MRPL4: variants seen among roughly 807,000 people sequenced by gnomAD.
The protein encoded by MRPL4 is large ribosomal subunit protein uL4m.
MRPL4 carries 34 observed loss-of-function variants against 34.1 expected under a neutral mutation model. That is an observed-to-expected ratio of 1.00 (90% CI 0.76 to 1.33). The LOEUF (loss-of-function observed/expected upper bound fraction) is 1.33, where lower values mean the gene tolerates loss of function less well. Among genes scored for constraint, MRPL4 ranks in the 40% most tolerant of loss-of-function variants. MRPL4 has a pLI of 0.00. For synonymous variants in MRPL4, 196 were observed against 188.3 expected (o/e 1.04, Z -0.33); for missense variants, 402 against 434.6 (o/e 0.92, Z 0.67).
At position 10,259,902 on chromosome 19, in the gene MRPL4, G is replaced by C; in HGVS notation, c.*89G>C. On this transcript the variant is annotated 3_prime_UTR_variant, in exon 9 of 9. Transcript: ENST00000253099. ...CCACCCTTCGAGGAAGGTGTCACCT[G>C]GACCCCTTCATTCCACGGAGGAAGC... is the stretch of plus-strand genomic sequence containing the variant. 1 of 1,199,316 alleles carries C rather than the reference G, an allele frequency of 8.3e-7. No homozygotes were observed. The highest frequency in any genetic ancestry group is 1.5e-5 in the African/African-American group (1 of 64,948). The allele number at this position is 1,199,316 out of a possible 1,614,324, so 74.3% of individuals were successfully genotyped here. A position where few individuals can be genotyped will look rare whatever the true frequency, so the allele number is the denominator to read the frequency against.
chr19:10,252,850 G>GT (rs1226654928), intron 3 of MRPL4, 149 bp downstream of exon 3: 1 of 1,139,552 alleles, frequency 8.8e-7, no homozygotes, highest in African/African-American at 1.6e-5. Flanking sequence ...AATGATGACA[G>GT]TTTCCCCTGC....
chr19:10,257,831 T>C (rs1334110843), intron 5 of MRPL4, among the ~76,000 whole-genome samples: 1 of 152,008 alleles, frequency 6.6e-6, no homozygotes, highest in Non-Finnish European at 1.5e-5. Flanking sequence ...CTGTCCGATC[T>C]CAAGGTGGTT....
Position 10,259,776 on chromosome 19 carries a change from C to A in MRPL4, c.899C>A (p.Ala300Asp). ...YSDFPRPLPH[A>D]TQGPAATPYH... ...GACTTCCCCCGACCCCTACCCCACG[C>A]TACCCAGGGCCCAGCGGCCACCCCG... is the stretch of plus-strand genomic sequence containing the variant. The change falls in exon 9 of 9, where the codon GCT becomes GAT. Residue 300 changes from alanine to aspartate, a missense_variant. Transcript: ENST00000253099. 1 of 1,613,692 alleles carries A rather than the reference C, an allele frequency of 6.2e-7. No individual in the cohort carries two copies. Among genetic ancestry groups the A allele is most frequent in the Non-Finnish European group, 8.5e-7 (1 of 1,179,754 alleles).
chr19:10,257,792 A>G (rs2145472977), intron 5 of MRPL4, among the ~76,000 whole-genome samples: 1 of 152,096 alleles, frequency 6.6e-6, no homozygotes, highest in Admixed American at 6.6e-5. Flanking sequence ...AATCCACACC[A>G]TAACTCATGG....
chr19:10,258,775 G>A (rs1351693598), intron 8 of MRPL4, 90 bp downstream of exon 8: 2 of 1,611,180 alleles, frequency 1.2e-6, no homozygotes, highest in South Asian at 1.1e-5. Context: ...TGGTCGCTGA[G>A]TGGCCTCAGG....
intron 8 of MRPL4, 180 bp from the exon 9 acceptor site, chr19:10,259,437 G>A: frequency 7.0e-7 from 1 of 1,421,914 alleles, no homozygotes; most frequent in Middle Eastern, 2.6e-4. Context: ...TCCTTGGCCA[G>A]AGGCTTACAG....
chr19:10,257,468 C>G (rs1279600147), intron 5 of MRPL4, among the ~76,000 whole-genome samples: 1 of 152,216 alleles, frequency 6.6e-6, no homozygotes, highest in East Asian at 1.9e-4. Context: ...CCTTCCACAT[C>G]CCCCGGAGCT....
Position 10,252,571 on chromosome 19 carries a change from C to T in MRPL4, c.145C>T (p.Arg49Cys), listed in dbSNP as rs2039803681. The T allele has an allele frequency of 1.2e-6, 2 of 1,612,940 alleles. No homozygotes were observed. The highest frequency in any genetic ancestry group is 1.3e-5 in the African/African-American group (1 of 74,900). ...TCCAGGTCTCCCGGAGCCCGTGCTG[C>T]GCAAAGTCGAGCTCCCGGTACCCAC... ...ASEGLPEPVLRKVELPVPTHR... is the reference protein window; with the variant it reads ...ASEGLPEPVLCKVELPVPTHR... Residue 49 changes from arginine (R) to cysteine (C), a missense_variant, in exon 3 of 9, where the codon CGC becomes TGC. Transcript: ENST00000253099.
In MRPL4 at chr19:10,259,676, G is replaced by T; in HGVS notation, c.799G>T (p.Ala267Ser). 6.4e-6 allele frequency: 10 copies of T among 1,569,570 alleles called. No individual in the cohort carries two copies. The highest frequency in any genetic ancestry group is 7.8e-6 in the Non-Finnish European group (9 of 1,155,684). The change falls in exon 9 of 9, where the codon GCC (alanine) becomes TCC (serine). Residue 267 changes from alanine (A) to serine (S), a missense_variant. Coordinates refer to ENST00000253099, the MANE Select transcript of MRPL4 (RefSeq NM_015956.3). ...QTLVLTLPTV[A>S]FLEDKLLWQD... ...GCTGGTCCTGACGCTGCCCACCGTC[G>T]CCTTCCTGGAGGACAAGCTGCTCTG...
intron 4 of MRPL4, among the ~76,000 whole-genome samples, chr19:10,256,240 C>T (rs1399160802): frequency 1.4e-4 from 22 of 151,878 alleles, no homozygotes; most frequent in African/African-American, 5.3e-4. Context: ...GAGCCGAGAT[C>T]GCGCCACTGC....
At chr19:10,258,114 C>A in intron 5 of MRPL4, 108 bp from the exon 6 acceptor site, 1 of 744,248 alleles carries the variant, frequency 1.3e-6, no homozygotes, top group Non-Finnish European at 2.3e-6. Context: ...CTGCCTTGTT[C>A]CTGGCAGCGC....
rs1169880205 is a variant in MRPL4, at chr19:10,259,781, C to G, written c.904C>G (p.Gln302Glu). The change falls in exon 9 of 9, where the codon CAG (glutamine) becomes GAG (glutamate). Residue 302 changes from glutamine to glutamate, a missense_variant. Physicochemically the swap from Gln to Glu is conservative, Grantham distance 29. Coordinates refer to ENST00000253099, the MANE Select transcript of MRPL4 (RefSeq NM_015956.3). ...CCCCCGACCCCTACCCCACGCTACCCAGGGCCCAGCGGCCACCCCGTACCA... is the reference window on the plus strand; with the variant it reads ...CCCCCGACCCCTACCCCACGCTACCGAGGGCCCAGCGGCCACCCCGTACCA... ...DFPRPLPHAT[Q>E]GPAATPYHC The G allele has an allele frequency of 1.1e-5, 18 of 1,613,444 alleles. No homozygotes were observed. Among genetic ancestry groups the G allele is most frequent in the Non-Finnish European group, 1.3e-5 (15 of 1,179,680 alleles).
chr19:10,252,015 G>T (rs186320841), upstream of MRPL4: 2 of 531,658 alleles, frequency 3.8e-6, no homozygotes, highest in African/African-American at 4.1e-5. Flanking sequence ...GTGAGGTCGC[G>T]TTCCCCAGTG....
upstream of MRPL4, chr19:10,252,116 A>G: frequency 9.3e-7 from 1 of 1,070,028 alleles, no homozygotes; most frequent in Non-Finnish European, 1.3e-6. Context: ...GACCCCCTCC[A>G]TCTTCGGTTT....
rs769856028 is a variant in MRPL4 at position 10,252,216 on chromosome 19, T to G, written c.-38T>G. On this transcript the variant is annotated 5_prime_UTR_variant, in exon 1 of 9. Transcript: ENST00000253099. ...CCAGCGGCGCCTCGCGAGGCTCCAG[T>G]GGCCTTGACCTCCCGCGGCGTGGGA... The G allele has an allele frequency of 7.1e-6, 11 of 1,559,720 alleles. No homozygotes were observed. The highest frequency in any genetic ancestry group is 8.6e-6 in the Non-Finnish European group (10 of 1,157,092).
chr19:10,256,670 C>A, intron 4 of MRPL4, 38 bp from the exon 5 acceptor site: 1 of 1,578,214 alleles, frequency 6.3e-7, no homozygotes, highest in Non-Finnish European at 8.7e-7. Flanking sequence ...CTGACACCTG[C>A]CTCGTGGACC....
rs2145478073 is a variant in MRPL4, at chr19:10,260,055, A to G, written c.*242A>G. 4.5e-6 allele frequency: 2 copies of G among 447,308 alleles called. No homozygotes were observed. Among genetic ancestry groups the G allele is most frequent in the Middle Eastern group, 5.6e-4 (1 of 1,782 alleles). The allele number at this position is 447,308 out of a possible 1,614,324, so 27.7% of individuals were successfully genotyped here. A position where few individuals can be genotyped will look rare whatever the true frequency, so the allele number is the denominator to read the frequency against. ...TGTATTTTTGAATCAAGGAGGATAAAGATAACTTCTCAGTGTCATTTTTGA... is the reference window on the plus strand; with the variant it reads ...TGTATTTTTGAATCAAGGAGGATAAGGATAACTTCTCAGTGTCATTTTTGA... On this transcript the variant is annotated 3_prime_UTR_variant, in exon 9 of 9. Transcript: ENST00000253099.
chr19:10,254,660 A>C lies in MRPL4; in HGVS notation c.327+20A>C. On this transcript the variant is annotated intron_variant, in intron 4 of 8. Coordinates refer to ENST00000253099, the MANE Select transcript of MRPL4 (RefSeq NM_015956.3). ...AGAATTGTGAGTGCCTAAATGGAGCAAGGTGGTGGGAAGGAGCTTCCTGGG... is the reference window on the plus strand; with the variant it reads ...AGAATTGTGAGTGCCTAAATGGAGCCAGGTGGTGGGAAGGAGCTTCCTGGG... 1 of 1,613,778 alleles carries C rather than the reference A, an allele frequency of 6.2e-7. No homozygotes were observed.
intron 4 of MRPL4, 53 bp from the exon 5 acceptor site, chr19:10,256,655 G>C: frequency 6.6e-7 from 1 of 1,509,266 alleles, no homozygotes; most frequent in Non-Finnish European, 9.2e-7. Flanking sequence ...GATCTGCCCG[G>C]CTCCCTGACA....
Sources: gnomAD v4.1 joint callset for allele counts (sites outside exome capture counted in the v4.1 genomes callset) on GRCh38, gnomAD v4.1.1 for gene constraint, MANE v1.5 for transcripts, NCBI Gene and HGNC (gene_info 2026-07-23, HGNC 2026-07-21) for gene names.